The following PTPRD variants were observed in gnomAD, a reference collection of about 807,000 sequenced individuals.
The protein encoded by PTPRD is protein tyrosine phosphatase receptor type D.
Under a neutral mutation model 214.5 loss-of-function variants are expected in PTPRD, and 34 were observed. The observed-to-expected ratio is 0.16, with a 90% confidence interval of 0.12 to 0.21. The LOEUF is 0.21. Ranked by LOEUF, PTPRD falls within the 10% of genes least tolerant of loss-of-function variation. The pLI, the probability that PTPRD is intolerant of heterozygous loss-of-function variation, is 1.00. For missense variants in PTPRD, 2,545 were observed against 2,398.7 expected, an observed-to-expected ratio of 1.06 and a Z score of -1.27; for synonymous variants, 1,128 against 845.7, an observed-to-expected ratio of 1.33 and a Z score of -5.79.
intron 3 of PTPRD, among the ~76,000 whole-genome samples, chr9:10,146,290 A>G (rs1371622521): frequency 1.3e-5 from 2 of 152,016 alleles, no homozygotes; most frequent in Admixed American, 6.6e-5. Context: ...TATTCAATGA[A>G]CAATTTAGTG....
chr9:8,387,828 T>G (rs1230426591), intron 37 of PTPRD, among the ~76,000 whole-genome samples: 1 of 152,234 alleles, frequency 6.6e-6, no homozygotes, highest in Non-Finnish European at 1.5e-5. Flanking sequence ...TGTTAGACAT[T>G]ATTATAGTTA....
At chr9:8,952,335 A>C (rs893951258) in intron 11 of PTPRD, among the ~76,000 whole-genome samples, 5 of 152,000 alleles carry the variant, frequency 3.3e-5, no homozygotes, top group Non-Finnish European at 7.4e-5. Context: ...AATATAAGTA[A>C]TTGTCATCAA....
chr9:9,562,568 C>A (rs762029145), intron 8 of PTPRD, among the ~76,000 whole-genome samples: 1 of 152,130 alleles, frequency 6.6e-6, no homozygotes, highest in Admixed American at 6.5e-5. Flanking sequence ...GGTCCTAGAA[C>A]TCTGCCTTCC....
intron 3 of PTPRD, among the ~76,000 whole-genome samples, chr9:10,105,620 C>T (rs976555779): frequency 2.6e-5 from 4 of 151,856 alleles, no homozygotes; most frequent in Admixed American, 2.0e-4. Context: ...CTCTCACTCC[C>T]TCTGCCAACC....
At chr9:9,210,398 C>G (rs1396678028) in intron 9 of PTPRD, among the ~76,000 whole-genome samples, 5 of 152,086 alleles carry the variant, frequency 3.3e-5, no homozygotes, top group Admixed American at 3.3e-4. Flanking sequence ...CTTGTTCATT[C>G]CAAAGATACT....
intron 11 of PTPRD, among the ~76,000 whole-genome samples, chr9:8,814,289 T>C (rs1432173386): frequency 6.6e-6 from 1 of 152,180 alleles, no homozygotes; most frequent in Admixed American, 6.5e-5. Flanking sequence ...CATATGCGGC[T>C]ATGAAGTGCC....
chr9:9,398,683 C>A (rs1182279084), intron 8 of PTPRD, among the ~76,000 whole-genome samples: 1 of 151,870 alleles, frequency 6.6e-6, no homozygotes, highest in Non-Finnish European at 1.5e-5. Flanking sequence ...CTTTTTCAAT[C>A]ATATGGGAAT....
At chr9:9,661,446 C>A (rs987335674) in intron 7 of PTPRD, among the ~76,000 whole-genome samples, 4 of 151,756 alleles carry the variant, frequency 2.6e-5, no homozygotes, top group African/African-American at 9.7e-5. Context: ...CATGTTGCTG[C>A]CATTTAACAT....
chr9:9,363,804 A>G (rs1285992883), intron 9 of PTPRD, among the ~76,000 whole-genome samples: 2 of 151,400 alleles, frequency 1.3e-5, no homozygotes, highest in South Asian at 2.1e-4. Flanking sequence ...CATCAAATAC[A>G]TTTGACAACT....
chr9:9,208,401 T>C (rs994073658), intron 9 of PTPRD, among the ~76,000 whole-genome samples: 1 of 151,948 alleles, frequency 6.6e-6, no homozygotes. Flanking sequence ...GGTGAGGGTA[T>C]AGGATACAAA....
chr9:8,461,935 C>T (rs1313980996), intron 32 of PTPRD, among the ~76,000 whole-genome samples: 4 of 151,970 alleles, frequency 2.6e-5, no homozygotes, highest in Non-Finnish European at 5.9e-5. Flanking sequence ...TAGGTATGAG[C>T]CACTGTGGCT....
At chr9:10,103,583 T>C (rs1182101233) in intron 3 of PTPRD, among the ~76,000 whole-genome samples, 1 of 151,182 alleles carries the variant, frequency 6.6e-6, no homozygotes, top group Non-Finnish European at 1.5e-5. Flanking sequence ...TTTGTGGTTT[T>C]ATGGTTGTGC....
intron 11 of PTPRD, among the ~76,000 whole-genome samples, chr9:8,895,248 T>C (rs777855730): frequency 7.2e-5 from 11 of 152,178 alleles, no homozygotes; most frequent in Non-Finnish European, 1.3e-4. Flanking sequence ...AAAGCCTCTA[T>C]GAGACTATTT....
chr9:9,845,835 G>T (rs1387314844), intron 5 of PTPRD, among the ~76,000 whole-genome samples: 1 of 152,082 alleles, frequency 6.6e-6, no homozygotes, highest in Non-Finnish European at 1.5e-5. Context: ...GCAGAAGGCT[G>T]CAATTAAATA....
intron 36 of PTPRD, among the ~76,000 whole-genome samples, chr9:8,400,703 A>G (rs183676740): frequency 1.6e-4 from 25 of 152,306 alleles, no homozygotes; most frequent in Admixed American, 1.4e-3. Context: ...GCTGGATTCT[A>G]GCAAGTTATA....
At chr9:8,671,226 C>T (rs907969801) in intron 12 of PTPRD, among the ~76,000 whole-genome samples, 2 of 152,146 alleles carry the variant, frequency 1.3e-5, no homozygotes, top group East Asian at 1.9e-4. Flanking sequence ...TGATGCGATA[C>T]TTCTCATTTA....
At chr9:9,908,233 A>C (rs2078159375) in intron 5 of PTPRD, among the ~76,000 whole-genome samples, 1 of 152,032 alleles carries the variant, frequency 6.6e-6, no homozygotes, top group African/African-American at 2.4e-5. Flanking sequence ...CATATAGAAC[A>C]TTCCTGCTCA....
At chr9:9,712,918 T>C (rs944078298) in intron 7 of PTPRD, among the ~76,000 whole-genome samples, 13 of 152,320 alleles carry the variant, frequency 8.5e-5, no homozygotes, top group African/African-American at 3.1e-4. Context: ...CTACTGTATG[T>C]ATCCTTGTAT....
At chr9:8,507,681 A>G (rs552048783) in intron 21 of PTPRD, among the ~76,000 whole-genome samples, 1 of 152,330 alleles carries the variant, frequency 6.6e-6, no homozygotes, top group Non-Finnish European at 1.5e-5. Flanking sequence ...TATAAAGTAT[A>G]TCGGCCTCTG....
Sources: allele counts gnomAD v4.1 joint callset (sites outside exome capture counted in the v4.1 genomes callset), GRCh38; gene constraint gnomAD v4.1.1; transcripts MANE v1.5; gene names NCBI Gene and HGNC (gene_info 2026-07-23, HGNC 2026-07-21).